The following MEI4 variants were observed in gnomAD, a reference collection of about 807,000 sequenced individuals.
MEI4 encodes meiosis-specific protein MEI4.
Under a neutral mutation model 31.4 loss-of-function variants are expected in MEI4, and 27 were observed. That is an observed-to-expected ratio of 0.86 (90% CI 0.63 to 1.19). The LOEUF (loss-of-function observed/expected upper bound fraction) is 1.19, where lower values mean the gene tolerates loss of function less well. MEI4 is among the 50% of genes most tolerant of loss of function. MEI4 has a pLI of 0.00. For synonymous variants in MEI4, 122 were observed against 145.4 expected (o/e 0.84, Z 1.16); for missense variants, 329 against 398.9 (o/e 0.82, Z 1.49).
intron 2 of MEI4, among the ~76,000 whole-genome samples, chr6:77,701,959 C>T (rs1325626300): frequency 6.6e-6 from 1 of 152,094 alleles, no homozygotes; most frequent in Non-Finnish European, 1.5e-5. Flanking sequence ...TCACATTGCT[C>T]AGGTTGGTCC....
At chr6:77,657,753 C>G (rs1025386516) in intron 1 of MEI4, among the ~76,000 whole-genome samples, 3 of 152,180 alleles carry the variant, frequency 2.0e-5, no homozygotes, top group Non-Finnish European at 4.4e-5. Flanking sequence ...TCAAGGAGCT[C>G]ATGCATTCTT....
chr6:77,737,852 G>C (rs1443820963), intron 2 of MEI4, among the ~76,000 whole-genome samples: 1 of 152,194 alleles, frequency 6.6e-6, no homozygotes, highest in Non-Finnish European at 1.5e-5. Flanking sequence ...GGTAGTAGCA[G>C]TACTAGCAGG....
At chr6:77,726,832 T>TG (rs1561959636) in intron 2 of MEI4, among the ~76,000 whole-genome samples, 1 of 151,682 alleles carries the variant, frequency 6.6e-6, no homozygotes, top group Non-Finnish European at 1.5e-5. Context: ...CAGACAAAAA[T>TG]AAGCTTATTT....
intron 3 of MEI4, among the ~76,000 whole-genome samples, chr6:77,788,590 G>A (rs1768817084): frequency 6.6e-6 from 1 of 152,008 alleles, no homozygotes; most frequent in African/African-American, 2.4e-5. Flanking sequence ...AAAATCACAA[G>A]CATTCTTATA....
At chr6:77,876,686 C>G (rs1377187662) in intron 4 of MEI4, among the ~76,000 whole-genome samples, 1 of 152,126 alleles carries the variant, frequency 6.6e-6, no homozygotes, top group African/African-American at 2.4e-5. Context: ...TCTGCCTTCC[C>G]TTAAATGCGG....
At chr6:77,664,253 G>A (rs1224002803) in intron 1 of MEI4, among the ~76,000 whole-genome samples, 1 of 152,176 alleles carries the variant, frequency 6.6e-6, no homozygotes, top group Non-Finnish European at 1.5e-5. Context: ...AGCAGATTGG[G>A]TAATAAAATG....
intron 1 of MEI4, among the ~76,000 whole-genome samples, chr6:77,670,030 T>C (rs1768709791): frequency 6.6e-6 from 1 of 152,196 alleles, no homozygotes; most frequent in Non-Finnish European, 1.5e-5. Context: ...GACAGATCCA[T>C]GCAGCTTAAG....
chr6:77,883,450 C>G (rs1004665559), intron 4 of MEI4, among the ~76,000 whole-genome samples: 7 of 151,394 alleles, frequency 4.6e-5, no homozygotes, highest in Non-Finnish European at 8.8e-5. Flanking sequence ...CCAACCCCAC[C>G]CCGCCTCCCC....
At position 77,813,437 on chromosome 6, in the gene MEI4, C is replaced by T. The variant is rs193265641; in HGVS notation, c.769-15494C>T. Among the ~76,000 whole-genome samples the T allele has an allele frequency of 1.4e-3, 218 of 152,004 alleles. 1 individual carries two copies. Among genetic ancestry groups the T allele is most frequent in the African/African-American group, 4.5e-3 (186 of 41,480 alleles). On this transcript the variant is annotated intron_variant, in intron 3 of 4. Transcript: ENST00000684080. ...AACAAAAAACAACTGTATTTTTTCC[C>T]GTCTTCCTTTCTTCTGTCTCTTGAC...
intron 2 of MEI4, among the ~76,000 whole-genome samples, chr6:77,744,977 C>T (rs184025965): frequency 6.6e-6 from 1 of 152,150 alleles, no homozygotes; most frequent in Non-Finnish European, 1.5e-5. Context: ...AAGCACTAAA[C>T]ATGGAAAGGA....
chr6:77,753,277 C>T (rs894066334), intron 2 of MEI4, among the ~76,000 whole-genome samples: 5 of 152,134 alleles, frequency 3.3e-5, no homozygotes, highest in African/African-American at 1.2e-4. Context: ...TAAAGAGCTT[C>T]TGCACAGCAG....
chr6:77,918,935 T>C (rs1288829364), intron 4 of MEI4, among the ~76,000 whole-genome samples: 1 of 152,078 alleles, frequency 6.6e-6, no homozygotes, highest in Non-Finnish European at 1.5e-5. Flanking sequence ...TATTTTGAAA[T>C]ACGTCCCATC....
intron 3 of MEI4, among the ~76,000 whole-genome samples, chr6:77,815,050 A>G (rs1165910913): frequency 1.3e-5 from 2 of 152,066 alleles, no homozygotes; most frequent in Non-Finnish European, 2.9e-5. Context: ...TACTGTGACT[A>G]CTGTGTAGGA....
At chr6:77,884,869 T>G (rs1771582783) in intron 4 of MEI4, among the ~76,000 whole-genome samples, 1 of 152,178 alleles carries the variant, frequency 6.6e-6, no homozygotes, top group African/African-American at 2.4e-5. Context: ...ATATTAGGAT[T>G]TTTTTTCTAT....
At chr6:77,702,827 A>C (rs1766253971) in intron 2 of MEI4, among the ~76,000 whole-genome samples, 1 of 152,142 alleles carries the variant, frequency 6.6e-6, no homozygotes, top group South Asian at 2.1e-4. Flanking sequence ...ACTTATTTGA[A>C]TGGACCTTGC....
intron 4 of MEI4, among the ~76,000 whole-genome samples, chr6:77,864,206 G>T (rs996060114): frequency 6.6e-6 from 1 of 152,044 alleles, no homozygotes; most frequent in Admixed American, 6.6e-5. Flanking sequence ...CGTCATAATG[G>T]CAGGATCAAA....
chr6:77,663,731 G>A (rs944212889), intron 1 of MEI4, among the ~76,000 whole-genome samples: 23 of 152,190 alleles, frequency 1.5e-4, no homozygotes, highest in Middle Eastern at 3.4e-3. Flanking sequence ...AGAAGGGGAC[G>A]GGCTTACCTT....
intron 3 of MEI4, among the ~76,000 whole-genome samples, chr6:77,763,230 G>C (rs1307951285): frequency 6.6e-6 from 1 of 151,982 alleles, no homozygotes; most frequent in East Asian, 1.9e-4. Context: ...TCAAGCAGAT[G>C]GACCAAGTCT....
chr6:77,865,160 C>T, intron 4 of MEI4, among the ~76,000 whole-genome samples: 1 of 152,004 alleles, frequency 6.6e-6, no homozygotes, highest in South Asian at 2.1e-4. Context: ...CCTAACATCA[C>T]AATTAAAAGA....
Sources: gnomAD v4.1 joint callset for allele counts (sites outside exome capture counted in the v4.1 genomes callset) on GRCh38, gnomAD v4.1.1 for gene constraint, MANE v1.5 for transcripts, NCBI Gene and HGNC (gene_info 2026-07-23, HGNC 2026-07-21) for gene names.